RRM2: variants seen among roughly 807,000 people sequenced by gnomAD.
The protein encoded by RRM2 is ribonucleotide reductase regulatory subunit M2, also known as ribonucleoside-diphosphate reductase subunit M2.
In RRM2, 6 loss-of-function variants were observed where a neutral mutation model predicts 45.9. That is an observed-to-expected ratio of 0.13 (90% CI 0.07 to 0.26). RRM2 has a LOEUF of 0.26. Ranked by LOEUF, RRM2 falls within the 10% of genes least tolerant of loss-of-function variation. The pLI, the probability that RRM2 is intolerant of heterozygous loss-of-function variation, is 1.00. For synonymous variants in RRM2, 177 were observed against 173.0 expected (o/e 1.02, Z -0.18); for missense variants, 343 against 489.5 (o/e 0.70, Z 2.82).
chr2:10,196,097 G>A (rs997075420), intron 3 of RRM2, among the ~76,000 whole-genome samples: 3 of 152,190 alleles, frequency 2.0e-5, no homozygotes, highest in Non-Finnish European at 2.9e-5. Flanking sequence ...CTTATTAGGT[G>A]AGCAATTAAT....
At chr2:10,175,644 C>T (rs760425453) in intron 3 of RRM2, among the ~76,000 whole-genome samples, 5 of 152,188 alleles carry the variant, frequency 3.3e-5, no homozygotes, top group Non-Finnish European at 5.9e-5. Context: ...GTACCCCAGG[C>T]GGGAGTGCAG....
At chr2:10,187,569 G>A (rs1244325180) in intron 3 of RRM2, among the ~76,000 whole-genome samples, 2 of 152,218 alleles carry the variant, frequency 1.3e-5, no homozygotes, top group Non-Finnish European at 2.9e-5. Flanking sequence ...CCAGGTCTGT[G>A]TGGGGGTCAC....
At chr2:10,142,784 G>A (rs545614201) in intron 3 of RRM2, among the ~76,000 whole-genome samples, 4 of 152,250 alleles carry the variant, frequency 2.6e-5, no homozygotes, top group East Asian at 1.9e-4. Flanking sequence ...TCCCCTCACC[G>A]CAGCTCTCGG....
At chr2:10,123,315 A>G (rs951533881) in intron 2 of RRM2, 72 bp from the exon 3 acceptor site, 3 of 1,516,068 alleles carry the variant, frequency 2.0e-6, no homozygotes, top group Admixed American at 2.1e-5. Flanking sequence ...AATGGAAAGG[A>G]CTTGGTCCAG....
chr2:10,145,101 G>A (rs564291545), intron 3 of RRM2, among the ~76,000 whole-genome samples: 1 of 152,274 alleles, frequency 6.6e-6, no homozygotes, highest in East Asian at 1.9e-4. Context: ...AAGGAGGCCT[G>A]GAGAGAGGAG....
Position 10,158,002 on chromosome 2 carries a change from GT to G in RRM2, n.482+15628del, listed in dbSNP as rs539284317. Among the ~76,000 whole-genome samples, 176 of 152,266 alleles carry G rather than the reference GT, an allele frequency of 1.2e-3. 1 individual carries two copies. The highest frequency in any genetic ancestry group is 4.0e-3 in the African/African-American group (168 of 41,554). On this transcript the variant is annotated intron_variant and non_coding_transcript_variant, in intron 3 of 3. Transcript: ENST00000381786. ...AATAAAGGAATGAATGAGAGGAGGG[GT>G]AAGTGACTAAATGAATGCATTTCTG...
chr2:10,139,377 C>A (rs1321721428), upstream of RRM2, among the ~76,000 whole-genome samples: 21 of 152,238 alleles, frequency 1.4e-4, no homozygotes. Context: ...GAGGATGGGT[C>A]TTCCTTGCAG....
chr2:10,123,902 C>G (rs770553758), intron 4 of RRM2, 50 bp downstream of exon 4: 2 of 1,019,106 alleles, frequency 2.0e-6, no homozygotes, highest in Non-Finnish European at 3.1e-6. Context: ...GATCTGAGGT[C>G]GAACTAGTTC....
chr2:10,176,517 C>G lies in RRM2; in HGVS notation n.483-33794C>G, dbSNP rs141083331. On this transcript the variant is annotated intron_variant and non_coding_transcript_variant, in intron 3 of 3. Coordinates refer to the RRM2 transcript ENST00000381786. ...TCCCAACCTCAGGTGATCTGCCCGC[C>G]TCGGCCTCCCAAAGTGCTGGGATTA... Among the ~76,000 whole-genome samples, 733 of 152,330 alleles carry G rather than the reference C, an allele frequency of 4.8e-3. 3 individuals carry two copies. The highest frequency in any genetic ancestry group is 8.4e-3 in the Admixed American group (129 of 15,298).
intron 3 of RRM2, among the ~76,000 whole-genome samples, chr2:10,196,675 A>C (rs1380744266): frequency 6.6e-6 from 1 of 152,224 alleles, no homozygotes. Context: ...AGCCATCCGG[A>C]GGAGGGAGCA....
At chr2:10,207,481 G>A (rs547552489) in intron 3 of RRM2, among the ~76,000 whole-genome samples, 8 of 152,174 alleles carry the variant, frequency 5.3e-5, no homozygotes, top group Non-Finnish European at 7.4e-5. Flanking sequence ...AGACAAAAAC[G>A]TTTAAGAGGT....
At chr2:10,151,456 C>A (rs1053138413) in intron 3 of RRM2, among the ~76,000 whole-genome samples, 1 of 151,802 alleles carries the variant, frequency 6.6e-6, no homozygotes, top group East Asian at 1.9e-4. Flanking sequence ...CACCAACAGC[C>A]CAGCTAATTT....
At chr2:10,123,672 A>C in intron 3 of RRM2, 64 bp from the exon 4 acceptor site, 2 of 1,386,846 alleles carry the variant, frequency 1.4e-6, no homozygotes, top group South Asian at 2.4e-5. Flanking sequence ...TTGAGTGCTC[A>C]GTGTGAGTCC....
At position 10,177,705 on chromosome 2, in the gene RRM2, T is replaced by C. The variant is rs1056968835; in HGVS notation, n.483-32606T>C. On this transcript the variant is annotated intron_variant and non_coding_transcript_variant, in intron 3 of 3. Coordinates refer to the RRM2 transcript ENST00000381786. Reference sequence around the variant, plus strand: ...TTCCTTCCTTCCTTCCTTCCTTCCTTCCTCTCTCCCTCCCTCCCTCCCTCT... The same window carrying C: ...TTCCTTCCTTCCTTCCTTCCTTCCTCCCTCTCTCCCTCCCTCCCTCCCTCT... 4.1e-3 allele frequency among the ~76,000 whole-genome samples: 460 copies of C among 113,544 alleles called. 4 individuals are homozygous for C. Among genetic ancestry groups the C allele is most frequent in the African/African-American group, 0.015 (417 of 27,908 alleles). 74.5% of individuals were successfully genotyped at this position (113,544 alleles called of 152,430 possible).
intron 4 of RRM2, 60 bp downstream of exon 4, chr2:10,123,912 C>A: frequency 1.1e-6 from 1 of 947,688 alleles, no homozygotes; most frequent in Non-Finnish European, 1.7e-6. Flanking sequence ...CGAACTAGTT[C>A]GCTTTCCTCG....
intron 3 of RRM2, among the ~76,000 whole-genome samples, chr2:10,201,211 A>G (rs1296297276): frequency 6.6e-6 from 1 of 152,168 alleles, no homozygotes; most frequent in East Asian, 1.9e-4. Context: ...TTTGCAAATA[A>G]CCATACTGCC....
intron 3 of RRM2, among the ~76,000 whole-genome samples, chr2:10,207,384 C>T (rs765582449): frequency 6.6e-6 from 1 of 152,182 alleles, no homozygotes; most frequent in Admixed American, 6.5e-5. Flanking sequence ...ACACCGAACC[C>T]GAGGCTCTCT....
At chr2:10,209,566 C>T (rs1403500193) in intron 3 of RRM2, among the ~76,000 whole-genome samples, 2 of 151,730 alleles carry the variant, frequency 1.3e-5, no homozygotes, top group African/African-American at 4.8e-5. Flanking sequence ...CTGCAGCTGA[C>T]GTGCTTGCAT....
At chr2:10,177,618 C>G (rs1663943548) in intron 3 of RRM2, among the ~76,000 whole-genome samples, 1 of 152,126 alleles carries the variant, frequency 6.6e-6, no homozygotes, top group Admixed American at 6.5e-5. Context: ...GGTCCACCAC[C>G]ACAGTTCCAA....
Sources: allele counts gnomAD v4.1 joint callset (sites outside exome capture counted in the v4.1 genomes callset), GRCh38; gene constraint gnomAD v4.1.1; transcripts MANE v1.5; gene names NCBI Gene and HGNC (gene_info 2026-07-23, HGNC 2026-07-21).